ASTN2: variants seen among roughly 807,000 people sequenced by gnomAD.
ASTN2 encodes the protein astrotactin 2, also known as astrotactin-2.
ASTN2 carries 54 observed loss-of-function variants against 139.8 expected under a neutral mutation model. The ratio of observed to expected loss-of-function variants is 0.39; its 90% confidence interval spans 0.31 to 0.48. The LOEUF is 0.48. Ranked by LOEUF, ASTN2 falls within the 20% of genes least tolerant of loss-of-function variation. The pLI, the probability that ASTN2 is intolerant of heterozygous loss-of-function variation, is 0.95. For missense variants in ASTN2, 1,565 were observed against 1,725.1 expected, an observed-to-expected ratio of 0.91 and a Z score of 1.64; for synonymous variants, 756 against 719.5, an observed-to-expected ratio of 1.05 and a Z score of -0.81.
chr9:116,485,804 G>T (rs1268709187), intron 20 of ASTN2, among the ~76,000 whole-genome samples: 1 of 152,206 alleles, frequency 6.6e-6, no homozygotes, highest in Non-Finnish European at 1.5e-5. Context: ...AGAGCCAGGG[G>T]CAGAAGACTC....
At position 117,404,473 on chromosome 9, in the gene ASTN2, G is replaced by T. The variant is rs1029650120; in HGVS notation, c.442+10024C>A. 4.6e-5 allele frequency among the ~76,000 whole-genome samples: 7 copies of T among 152,088 alleles called. 1 individual carries two copies. The highest frequency in any genetic ancestry group is 3.2e-3 in the Middle Eastern group (1 of 316). On this transcript the variant is annotated intron_variant, in intron 1 of 22. Transcript: ENST00000313400. ...GAAGGAGTTGGGTTGGATCTCAAAG[G>T]CATCATTTTACCTCATTCTAATAAT...
intron 13 of ASTN2, among the ~76,000 whole-genome samples, chr9:116,737,546 T>C (rs1828968171): frequency 6.9e-6 from 1 of 144,048 alleles, no homozygotes; most frequent in South Asian, 2.2e-4. Context: ...ACAGAAATAA[T>C]GGACAATATT....
At chr9:116,737,169 TC>T (rs747689854) in intron 13 of ASTN2, among the ~76,000 whole-genome samples, 2 of 152,248 alleles carry the variant, frequency 1.3e-5, no homozygotes, top group Non-Finnish European at 2.9e-5. Flanking sequence ...GCATGGTCTC[TC>T]GGGTACTGGG....
At chr9:117,260,813 C>T (rs909580767) in intron 2 of ASTN2, among the ~76,000 whole-genome samples, 4 of 152,148 alleles carry the variant, frequency 2.6e-5, no homozygotes, top group Non-Finnish European at 4.4e-5. Flanking sequence ...TAGGCACATA[C>T]CATGTACCTC....
chr9:116,698,181 C>T lies in ASTN2; in HGVS notation c.2806+27590G>A, dbSNP rs532729383. The T allele has an allele frequency of 1.1e-5, 18 of 1,614,118 alleles. No individual in the cohort carries two copies. Among genetic ancestry groups the T allele is most frequent in the Admixed American group, 1.7e-5 (1 of 60,018 alleles). ...CAAAGAAGCAGCTGAGGAGCGGCGT[C>T]GGGACTTTGGAGAGAAGTTAACTCG... On this transcript the variant is annotated intron_variant, in intron 16 of 22. Transcript: ENST00000313400. This position sits in a 1 kb window ranked among gnomAD's most constrained non-coding sequence, Gnocchi z 4.4.
chr9:117,080,068 C>T (rs1828386532), intron 5 of ASTN2, among the ~76,000 whole-genome samples: 1 of 152,242 alleles, frequency 6.6e-6, no homozygotes, highest in South Asian at 2.1e-4. Context: ...CCAAAGACCA[C>T]AAATTAAACA....
chr9:117,207,785 A>T (rs1831984753), intron 3 of ASTN2, among the ~76,000 whole-genome samples: 1 of 152,214 alleles, frequency 6.6e-6, no homozygotes, highest in South Asian at 2.1e-4. Flanking sequence ...CTGCATGAAC[A>T]TCCCCCTGTT....
At chr9:117,323,206 A>G (rs1171436132) in intron 1 of ASTN2, among the ~76,000 whole-genome samples, 2 of 152,134 alleles carry the variant, frequency 1.3e-5, no homozygotes, top group Admixed American at 6.5e-5. Flanking sequence ...TACCATGAAA[A>G]GAACAATTTC....
At chr9:116,695,829 A>G (rs985880103) in intron 16 of ASTN2, among the ~76,000 whole-genome samples, 1 of 152,162 alleles carries the variant, frequency 6.6e-6, no homozygotes, top group Non-Finnish European at 1.5e-5. Flanking sequence ...TGGAGTGTTC[A>G]TGGTTTGTAT....
chr9:117,007,573 G>A (rs970027024), intron 7 of ASTN2, among the ~76,000 whole-genome samples: 2 of 152,130 alleles, frequency 1.3e-5, no homozygotes, highest in African/African-American at 4.8e-5. Context: ...GCTTCATGAG[G>A]GTGGAGATTT....
At chr9:117,231,848 C>A (rs962477763) in intron 2 of ASTN2, among the ~76,000 whole-genome samples, 3 of 152,116 alleles carry the variant, frequency 2.0e-5, no homozygotes, top group Non-Finnish European at 4.4e-5. Context: ...ACATAAGAAT[C>A]TCGTCTATTT....
At chr9:117,194,971 CAT>C (rs1449958881) in intron 3 of ASTN2, among the ~76,000 whole-genome samples, 12 of 152,246 alleles carry the variant, frequency 7.9e-5, no homozygotes, top group Admixed American at 6.5e-4. Flanking sequence ...TTCATTCATT[CAT>C]TCATTCACTC....
rs1034065286 is a variant in ASTN2 at position 116,460,467 on chromosome 9, G to A, written c.3498-17914C>T. Among the ~76,000 whole-genome samples the A allele has an allele frequency of 3.9e-5, 6 of 152,088 alleles. 1 individual carries two copies. Among genetic ancestry groups the A allele is most frequent in the African/African-American group, 9.7e-5 (4 of 41,420 alleles). On this transcript the variant is annotated intron_variant, in intron 20 of 22. Transcript: ENST00000313400. ...AGTGGAGTCAGGAGGATCCTGCCTC[G>A]TTAATGATGGCATGGTTCTCCTTTA...
intron 19 of ASTN2, among the ~76,000 whole-genome samples, chr9:116,544,854 T>G (rs544749515): frequency 1.3e-5 from 2 of 152,216 alleles, no homozygotes; most frequent in Admixed American, 6.5e-5. Flanking sequence ...TAAAAAGTCA[T>G]GAAGCATAAA....
rs1016270368 is a variant in ASTN2, at chr9:116,439,194, ATTTTTTT to A, written c.3782+1408_3782+1414del. On this transcript the variant is annotated intron_variant, in intron 22 of 22. Coordinates refer to ENST00000313400, the MANE Select transcript of ASTN2 (RefSeq NM_001365068.1). The stretch of plus-strand genomic sequence containing the variant: ...GATGTTGTGTTTTCTATTCAAATAC[ATTTTTTT>A]TTTTTTTTTTTTTTTTTGAGACGGA... Among the ~76,000 whole-genome samples the A allele has an allele frequency of 2.1e-3, 120 of 56,728 alleles. 4 individuals carry two copies. Among genetic ancestry groups the A allele is most frequent in the Middle Eastern group, 0.015 (1 of 66 alleles). 37.2% of individuals were successfully genotyped at this position (56,728 alleles called of 152,430 possible). A position where few individuals can be genotyped will look rare whatever the true frequency, so the allele number is the denominator to read the frequency against.
intron 2 of ASTN2, among the ~76,000 whole-genome samples, chr9:117,259,360 A>G (rs2133105452): frequency 1.3e-5 from 2 of 152,302 alleles, no homozygotes; most frequent in Middle Eastern, 3.4e-3. Context: ...CTCTCGGCCA[A>G]GGGCATTTCA....
intron 6 of ASTN2, among the ~76,000 whole-genome samples, chr9:117,019,722 A>C (rs1837817721): frequency 6.6e-6 from 1 of 152,088 alleles, no homozygotes; most frequent in African/African-American, 2.4e-5. Flanking sequence ...GCAGCTGGTG[A>C]AATGTAGTCT....
chr9:116,640,013 T>C (rs1216897962), intron 17 of ASTN2, among the ~76,000 whole-genome samples: 1 of 152,156 alleles, frequency 6.6e-6, no homozygotes, highest in African/African-American at 2.4e-5. Context: ...TGACTAAAAG[T>C]TGGTGTAGTA....
At chr9:116,492,742 A>C (rs760045068) in intron 19 of ASTN2, among the ~76,000 whole-genome samples, 4 of 152,244 alleles carry the variant, frequency 2.6e-5, no homozygotes, top group Non-Finnish European at 5.9e-5. Context: ...TGCTAGGTAC[A>C]TGGTTCCACC....
Sources: allele counts gnomAD v4.1 joint callset (sites outside exome capture counted in the v4.1 genomes callset), GRCh38; gene constraint gnomAD v4.1.1; non-coding constraint Gnocchi (gnomAD v3.1); transcripts MANE v1.5; gene names NCBI Gene and HGNC (gene_info 2026-07-23, HGNC 2026-07-21).